MAML2: variants seen among roughly 807,000 people sequenced by gnomAD.
The protein encoded by MAML2 is mastermind-like protein 2.
In MAML2, 22 loss-of-function variants were observed where a neutral mutation model predicts 96.1. That is an observed-to-expected ratio of 0.23 (90% CI 0.16 to 0.33). MAML2 has a LOEUF of 0.33. Ranked by LOEUF, MAML2 falls within the 10% of genes least tolerant of loss-of-function variation. MAML2 has a pLI of 1.00. For synonymous variants in MAML2, 561 were observed against 521.3 expected, an observed-to-expected ratio of 1.08 and a Z score of -1.04; for missense variants, 1,367 against 1,392.4, an observed-to-expected ratio of 0.98 and a Z score of 0.29.
At chr11:96,182,407 CT>C (rs1175300830) in intron 1 of MAML2, among the ~76,000 whole-genome samples, 3 of 152,162 alleles carry the variant, frequency 2.0e-5, no homozygotes, top group Non-Finnish European at 4.4e-5. Context: ...GGTTTCATGT[CT>C]TCCCTGGTTT....
In MAML2 at chr11:96,025,358, T is replaced by A. The variant is rs77728084; in HGVS notation, c.2140-33635A>T. On this transcript the variant is annotated intron_variant, in intron 2 of 4. Transcript: ENST00000524717. ...GTAGGAGCTAAGCATTGGGTACACATGGACATAAAGATGGGAACGACAGGT... is the reference window on the plus strand; with the variant it reads ...GTAGGAGCTAAGCATTGGGTACACAAGGACATAAAGATGGGAACGACAGGT... Among the ~76,000 whole-genome samples, 75 of 152,026 alleles carry A rather than the reference T, an allele frequency of 4.9e-4. 1 individual carries two copies. The South Asian group carries it at 0.013, about 27-fold the overall frequency.
intron 1 of MAML2, among the ~76,000 whole-genome samples, chr11:96,289,945 A>T (rs1863186961): frequency 6.6e-6 from 1 of 152,202 alleles, no homozygotes; most frequent in African/African-American, 2.4e-5. Flanking sequence ...ATTAATCATT[A>T]CAATCAGGGA....
chr11:96,217,323 T>C (rs927340434), intron 1 of MAML2, among the ~76,000 whole-genome samples: 3 of 152,186 alleles, frequency 2.0e-5, no homozygotes, highest in Non-Finnish European at 1.5e-5. Context: ...TCCATCTAAA[T>C]AACCAAAAAT....
chr11:96,093,636 T>A (rs1859775231), intron 1 of MAML2, 119 bp from the exon 2 acceptor site: 1 of 775,948 alleles, frequency 1.3e-6, no homozygotes, highest in East Asian at 2.6e-5. Flanking sequence ...TTCAGTTTTT[T>A]AAAAAAATGG....
intron 1 of MAML2, among the ~76,000 whole-genome samples, chr11:96,161,263 T>G (rs1001755342): frequency 6.6e-6 from 1 of 152,226 alleles, no homozygotes; most frequent in African/African-American, 2.4e-5. Context: ...TTAAATTTCC[T>G]CAGCCTCCCC....
intron 1 of MAML2, among the ~76,000 whole-genome samples, chr11:96,128,666 T>C (rs1477599096): frequency 6.6e-6 from 1 of 152,136 alleles, no homozygotes; most frequent in East Asian, 1.9e-4. Context: ...GTGCTCTCAA[T>C]TTACAATTAC....
At chr11:96,263,766 T>A (rs1201267033) in intron 1 of MAML2, among the ~76,000 whole-genome samples, 1 of 152,242 alleles carries the variant, frequency 6.6e-6, no homozygotes, top group Non-Finnish European at 1.5e-5. Flanking sequence ...AATGACCCCT[T>A]TGAATGGTCA....
At chr11:96,145,471 G>T (rs947482920) in intron 1 of MAML2, among the ~76,000 whole-genome samples, 2 of 152,118 alleles carry the variant, frequency 1.3e-5, no homozygotes, top group African/African-American at 4.8e-5. Flanking sequence ...ATAACATCAT[G>T]CTGCCTTGTG....
intron 2 of MAML2, among the ~76,000 whole-genome samples, chr11:96,063,057 G>A (rs996400124): frequency 1.1e-4 from 17 of 151,330 alleles, no homozygotes; most frequent in African/African-American, 3.4e-4. Flanking sequence ...TTTGGTGCCC[G>A]TCTCAGTCCA....
chr11:96,125,653 A>G (rs1019885532), intron 1 of MAML2, among the ~76,000 whole-genome samples: 1 of 152,180 alleles, frequency 6.6e-6, no homozygotes, highest in Admixed American at 6.5e-5. Context: ...CGTGTTATTT[A>G]TGATCCAAGC....
At chr11:96,060,662 G>A (rs552169402) in intron 2 of MAML2, among the ~76,000 whole-genome samples, 16 of 152,178 alleles carry the variant, frequency 1.1e-4, no homozygotes, top group South Asian at 2.1e-4. Context: ...GCTGCAATTC[G>A]TTAAAGCTGA....
intron 1 of MAML2, among the ~76,000 whole-genome samples, chr11:96,326,171 C>G (rs973636407): frequency 1.4e-5 from 2 of 144,718 alleles, no homozygotes; most frequent in African/African-American, 5.1e-5. Flanking sequence ...AACACAAGAC[C>G]CAACATGTAG....
At chr11:95,985,683 C>T in intron 3 of MAML2, 41 bp from the exon 4 acceptor site, 1 of 1,300,270 alleles carries the variant, frequency 7.7e-7, no homozygotes, top group Admixed American at 2.1e-5. Context: ...TGCATCATTC[C>T]CTTTTCACTT....
chr11:96,079,827 ACT>A (rs1859504312), intron 2 of MAML2, among the ~76,000 whole-genome samples: 1 of 152,148 alleles, frequency 6.6e-6, no homozygotes, highest in African/African-American at 2.4e-5. Flanking sequence ...GAGTGAAGAG[ACT>A]CTAAATATGG....
chr11:95,995,852 C>G (rs1370229680), intron 2 of MAML2, among the ~76,000 whole-genome samples: 3 of 152,182 alleles, frequency 2.0e-5, no homozygotes, highest in Non-Finnish European at 4.4e-5. Context: ...CTCTGGCATA[C>G]AGTTTATCTG....
chr11:96,059,476 GA>G (rs1300505468), intron 2 of MAML2, among the ~76,000 whole-genome samples: 4 of 152,116 alleles, frequency 2.6e-5, no homozygotes, highest in Non-Finnish European at 5.9e-5. Flanking sequence ...TAAGGTTGAG[GA>G]AAACAGAAAG....
intron 2 of MAML2, among the ~76,000 whole-genome samples, chr11:96,077,644 A>G (rs1438487152): frequency 6.6e-6 from 1 of 152,180 alleles, no homozygotes; most frequent in African/African-American, 2.4e-5. Context: ...CTGCTTTTTC[A>G]GAAGCAAACC....
intron 2 of MAML2, among the ~76,000 whole-genome samples, chr11:96,051,494 A>G (rs933391755): frequency 1.3e-5 from 2 of 152,190 alleles, no homozygotes; most frequent in African/African-American, 4.8e-5. Flanking sequence ...TAGACAATAA[A>G]TTTGAGGCAT....
At chr11:96,284,115 C>T (rs190089469) in intron 1 of MAML2, among the ~76,000 whole-genome samples, 93 of 152,308 alleles carry the variant, frequency 6.1e-4, no homozygotes, top group African/African-American at 2.1e-3. Context: ...TTCTCCCTTG[C>T]CAACTGGCTG....
Sources: allele counts gnomAD v4.1 joint callset (sites outside exome capture counted in the v4.1 genomes callset), GRCh38; gene constraint gnomAD v4.1.1; transcripts MANE v1.5; gene names NCBI Gene and HGNC (gene_info 2026-07-23, HGNC 2026-07-21).